Variants in CTNND2 observed in about 807,000 individuals in gnomAD.
The protein encoded by CTNND2 is catenin delta 2.
A neutral mutation model predicts 144.4 loss-of-function variants in CTNND2; 22 were observed. The observed-to-expected ratio is 0.15, with a 90% CI of 0.11 to 0.22. The LOEUF (loss-of-function observed/expected upper bound fraction) is 0.22. CTNND2 is among the 10% of genes least tolerant of loss of function. The probability of loss-of-function intolerance (pLI) is 1.00; values close to 1 mark genes in which losing one functional copy is unlikely to be tolerated. For missense variants in CTNND2, 1,353 were observed against 1,618.8 expected, an observed-to-expected ratio of 0.84 and a Z score of 2.82; for synonymous variants, 751 against 695.6, an observed-to-expected ratio of 1.08 and a Z score of -1.25.
At chr5:11,442,352 A>G (rs1764342445) in intron 3 of CTNND2, among the ~76,000 whole-genome samples, 1 of 152,166 alleles carries the variant, frequency 6.6e-6, no homozygotes, top group African/African-American at 2.4e-5. Flanking sequence ...GAATACACCA[A>G]AGTTATCTAA....
chr5:11,539,340 C>A (rs1264117419), intron 3 of CTNND2, among the ~76,000 whole-genome samples: 1 of 152,174 alleles, frequency 6.6e-6, no homozygotes, highest in East Asian at 1.9e-4. Context: ...TGCCCATCTC[C>A]AAGGCCCAGG....
chr5:11,425,226 C>G (rs1295806191), intron 3 of CTNND2, among the ~76,000 whole-genome samples: 1 of 152,158 alleles, frequency 6.6e-6, no homozygotes, highest in African/African-American at 2.4e-5. Context: ...ACTTCACTGG[C>G]TCTCTGGAAG....
chr5:11,759,195 TG>T (rs1789115133), intron 1 of CTNND2, among the ~76,000 whole-genome samples: 2 of 41,186 alleles, frequency 4.9e-5, no homozygotes, highest in South Asian at 1.5e-3. Context: ...TTTATGTCAC[TG>T]TTTTTTTAAC....
At chr5:11,559,201 G>A (rs1046596885) in intron 3 of CTNND2, among the ~76,000 whole-genome samples, 2 of 152,164 alleles carry the variant, frequency 1.3e-5, no homozygotes, top group African/African-American at 4.8e-5. Flanking sequence ...CAGATAGGAT[G>A]TAAGTCCCTT....
intron 2 of CTNND2, among the ~76,000 whole-genome samples, chr5:11,656,377 C>G (rs946918088): frequency 4.6e-5 from 7 of 151,554 alleles, no homozygotes; most frequent in African/African-American, 1.7e-4. Context: ...CAGCCCAACC[C>G]TATACCATCC....
intron 2 of CTNND2, among the ~76,000 whole-genome samples, chr5:11,601,982 G>A (rs1312712001): frequency 6.6e-6 from 1 of 152,044 alleles, no homozygotes. Flanking sequence ...ATTTCGCCAG[G>A]TGGGGAAAAG....
intron 1 of CTNND2, among the ~76,000 whole-genome samples, chr5:11,799,306 G>A (rs6554639): frequency 0.88 from 134,512 of 152,148 alleles, 61,544 homozygotes; most frequent in East Asian, 1. Context: ...CACTGGTGAT[G>A]TTTTTAATCC....
At chr5:11,182,181 G>C (rs983013807) in intron 11 of CTNND2, among the ~76,000 whole-genome samples, 2 of 146,844 alleles carry the variant, frequency 1.4e-5, no homozygotes, top group Non-Finnish European at 3.0e-5. Context: ...TGGGCGTGTG[G>C]TGTGTGTGGG....
chr5:11,714,323 C>T (rs1786219432), intron 2 of CTNND2, among the ~76,000 whole-genome samples: 1 of 151,598 alleles, frequency 6.6e-6, no homozygotes, highest in Non-Finnish European at 1.5e-5. Flanking sequence ...TTTTTATGAC[C>T]AGCTCCATAT....
At chr5:11,850,366 A>G (rs1794956256) in intron 1 of CTNND2, among the ~76,000 whole-genome samples, 1 of 152,224 alleles carries the variant, frequency 6.6e-6, no homozygotes, top group Non-Finnish European at 1.5e-5. Context: ...CCTAGATATG[A>G]AATTCCAAGG....
intron 2 of CTNND2, among the ~76,000 whole-genome samples, chr5:11,699,975 T>C (rs2126668527): frequency 6.6e-6 from 1 of 152,346 alleles, no homozygotes; most frequent in Middle Eastern, 3.4e-3. Flanking sequence ...GACTGAACAT[T>C]AGGCTTAGTT....
intron 16 of CTNND2, among the ~76,000 whole-genome samples, chr5:11,062,679 G>A (rs1455158072): frequency 6.6e-6 from 1 of 152,256 alleles, no homozygotes; most frequent in Admixed American, 6.5e-5. Context: ...ACTCCAAAAG[G>A]AGCCCTGTGT....
At chr5:11,506,923 G>A (rs1350272924) in intron 3 of CTNND2, among the ~76,000 whole-genome samples, 1 of 152,178 alleles carries the variant, frequency 6.6e-6, no homozygotes, top group Non-Finnish European at 1.5e-5. Flanking sequence ...GATGCGACTG[G>A]TAATCAATTT....
At chr5:11,525,506 A>G (rs138996887) in intron 3 of CTNND2, among the ~76,000 whole-genome samples, 193 of 152,348 alleles carry the variant, frequency 1.3e-3, no homozygotes, top group African/African-American at 4.5e-3. Flanking sequence ...AGGATACATA[A>G]CATTCCATCA....
chr5:11,269,249 C>A (rs755563461), intron 9 of CTNND2, among the ~76,000 whole-genome samples: 1 of 152,180 alleles, frequency 6.6e-6, no homozygotes, highest in Non-Finnish European at 1.5e-5. Context: ...CAGCGCTTAC[C>A]CCAAGCTAGT....
chr5:10,985,790 G>T (rs896462715), intron 20 of CTNND2, among the ~76,000 whole-genome samples: 4 of 152,168 alleles, frequency 2.6e-5, no homozygotes, highest in Admixed American at 2.6e-4. Context: ...CTAACATCCT[G>T]CAAGGTGGGG....
intron 8 of CTNND2, among the ~76,000 whole-genome samples, chr5:11,350,834 T>C (rs1160750072): frequency 6.6e-6 from 1 of 152,200 alleles, no homozygotes; most frequent in African/African-American, 2.4e-5. Context: ...ATACCTTACT[T>C]TGTAAAAGTA....
intron 1 of CTNND2, among the ~76,000 whole-genome samples, chr5:11,836,670 G>GA (rs547916361): frequency 0.015 from 2,155 of 146,414 alleles, 19 homozygotes; most frequent in Middle Eastern, 0.029. Flanking sequence ...TTAGAACCAA[G>GA]AAAAAAAAAA....
intron 9 of CTNND2, among the ~76,000 whole-genome samples, chr5:11,277,529 T>TATTTATTTATTCATTC (rs752554864): frequency 2.0e-5 from 3 of 149,208 alleles, no homozygotes; most frequent in Non-Finnish European, 4.5e-5. Context: ...TTTATTTATT[T>TATTTATTTATTCATTC]ATTTATTTAT....
Sources: gnomAD v4.1 joint callset for allele counts (sites outside exome capture counted in the v4.1 genomes callset) on GRCh38, gnomAD v4.1.1 for gene constraint, MANE v1.5 for transcripts, NCBI Gene and HGNC (gene_info 2026-07-23, HGNC 2026-07-21) for gene names.